The following STIMATE variants were observed in gnomAD, a reference collection of about 807,000 sequenced individuals.
The protein encoded by STIMATE is store-operated calcium entry regulator STIMATE.
In STIMATE, 15 loss-of-function variants were observed where a neutral mutation model predicts 36.7. The ratio of observed to expected loss-of-function variants is 0.41; its 90% CI spans 0.27 to 0.63. The LOEUF is 0.63. Ranked by LOEUF, STIMATE falls within the 20% of genes least tolerant of loss-of-function variation. STIMATE has a pLI of 0.32. For synonymous variants in STIMATE, 163 were observed against 162.3 expected (o/e 1.00, Z -0.03); for missense variants, 305 against 397.3 (o/e 0.77, Z 1.98).
rs371662643 is a variant in STIMATE, at chr3:52,856,666, AG to A, written c.161-1223del. ...ACCATTGCACTCCTGTCTGGGCAAC[AG>A]AGCGAGACTCTACCTCAAAAAAAAG... is the stretch of plus-strand genomic sequence containing the variant. On this transcript the variant is annotated intron_variant, in intron 1 of 7. Coordinates refer to ENST00000355083, the MANE Select transcript of STIMATE (RefSeq NM_198563.5). Among the ~76,000 whole-genome samples, 1,113 of 152,296 alleles carry A rather than the reference AG, an allele frequency of 7.3e-3. 117 individuals carry two copies. In the South Asian group the frequency reaches 0.21, roughly 28 times the overall value.
chr3:52,890,444 T>A (rs543262975), intron 1 of STIMATE, among the ~76,000 whole-genome samples: 1 of 152,366 alleles, frequency 6.6e-6, no homozygotes, highest in East Asian at 1.9e-4. Context: ...CAGGGGGCAG[T>A]TGGCAATGTC....
intron 1 of STIMATE, among the ~76,000 whole-genome samples, chr3:52,881,203 C>T (rs9866243): frequency 0.56 from 81,693 of 146,120 alleles, 23,269 homozygotes; most frequent in South Asian, 0.65. Flanking sequence ...AAACTCTTGT[C>T]TCAAAAAAAA....
chr3:52,885,765 G>A (rs151297297), intron 1 of STIMATE, among the ~76,000 whole-genome samples: 1 of 152,276 alleles, frequency 6.6e-6, no homozygotes, highest in Non-Finnish European at 1.5e-5. Context: ...GAGACTGCTG[G>A]GCTTCGCTTG....
At chr3:52,882,843 G>C (rs537940530) in intron 1 of STIMATE, among the ~76,000 whole-genome samples, 1 of 152,260 alleles carries the variant, frequency 6.6e-6, no homozygotes, top group South Asian at 2.1e-4. Context: ...TGGCAATTAA[G>C]AGTCGGCCAC....
chr3:52,862,782 G>A (rs913806156), intron 1 of STIMATE, among the ~76,000 whole-genome samples: 2 of 152,220 alleles, frequency 1.3e-5, no homozygotes, highest in African/African-American at 4.8e-5. Flanking sequence ...CTTGGCAGAT[G>A]TAATTAAAGA....
rs796307093 is a variant in STIMATE at position 52,859,531 on chromosome 3, A to T, written c.161-4087T>A. Among the ~76,000 whole-genome samples, 131 of 18,852 alleles carry T rather than the reference A, an allele frequency of 6.9e-3. 1 individual carries two copies. Among genetic ancestry groups the T allele is most frequent in the African/African-American group, 0.016 (125 of 7,882 alleles). 12.4% of individuals were successfully genotyped at this position (18,852 alleles called of 152,430 possible). On this transcript the variant is annotated intron_variant, in intron 1 of 7. Coordinates refer to ENST00000355083, the MANE Select transcript of STIMATE (RefSeq NM_198563.5). ...AAAAAAAAAAAAAAAAAAAAAAAAA[A>T]TTTTTTTTTTTTTTTTTTTTTTGCT...
chr3:52,891,179 G>C lies in STIMATE; in HGVS notation c.160+6112C>G, dbSNP rs1477831414. On this transcript the variant is annotated intron_variant, in intron 1 of 7. Transcript: ENST00000355083. ...GCCACAGATACGGAGTAATCAGAAA[G>C]TGAACCTGTGTGGAAAGAGGGGTGG... 2.6e-5 allele frequency among the ~76,000 whole-genome samples: 4 copies of C among 152,194 alleles called. No homozygotes were observed. The East Asian group carries it at 5.8e-4, about 22-fold the overall frequency.
At position 52,874,319 on chromosome 3, in the gene STIMATE, A is replaced by G. The variant is rs1324794582; in HGVS notation, c.161-18875T>C. 2.0e-5 allele frequency among the ~76,000 whole-genome samples: 3 copies of G among 152,144 alleles called. No homozygotes were observed. In the East Asian group the frequency reaches 5.8e-4, roughly 29 times the overall value. On this transcript the variant is annotated intron_variant, in intron 1 of 7. Coordinates refer to ENST00000355083, the MANE Select transcript of STIMATE (RefSeq NM_198563.5). ...ATCTATCTGCATTGAAATGGAAAAAACCCTCATGCTAAATGGGGGGAAAAA... is the reference window on the plus strand; with the variant it reads ...ATCTATCTGCATTGAAATGGAAAAAGCCCTCATGCTAAATGGGGGGAAAAA...
chr3:52,858,352 T>C (rs1434353697), intron 1 of STIMATE, among the ~76,000 whole-genome samples: 2 of 152,198 alleles, frequency 1.3e-5, no homozygotes, highest in Non-Finnish European at 1.5e-5. Flanking sequence ...AAGGTCAACA[T>C]GGGCTGGGTG....
chr3:52,845,744 C>T (rs1559489155), intron 4 of STIMATE, among the ~76,000 whole-genome samples: 1 of 152,162 alleles, frequency 6.6e-6, no homozygotes, highest in East Asian at 1.9e-4. Flanking sequence ...AGACCAGCCC[C>T]TCCAGGGAAT....
intron 1 of STIMATE, among the ~76,000 whole-genome samples, chr3:52,883,159 G>A (rs1473366711): frequency 6.6e-6 from 1 of 152,128 alleles, no homozygotes; most frequent in Non-Finnish European, 1.5e-5. Flanking sequence ...GGATCAAAGC[G>A]CTTTCATCCA....
intron 1 of STIMATE, among the ~76,000 whole-genome samples, chr3:52,871,630 A>G (rs1575341164): frequency 6.6e-6 from 1 of 151,982 alleles, no homozygotes; most frequent in Non-Finnish European, 1.5e-5. Context: ...TCACTCACTC[A>G]CTCACTCATT....
At chr3:52,877,572 T>C (rs1196033411) in intron 1 of STIMATE, among the ~76,000 whole-genome samples, 1 of 152,204 alleles carries the variant, frequency 6.6e-6, no homozygotes, top group Non-Finnish European at 1.5e-5. Flanking sequence ...AAGTCTCCGG[T>C]GAGCCATTCA....
At chr3:52,873,874 A>G (rs1362838307) in intron 1 of STIMATE, among the ~76,000 whole-genome samples, 2 of 152,220 alleles carry the variant, frequency 1.3e-5, no homozygotes, top group Admixed American at 6.5e-5. Flanking sequence ...CCTGCCATGC[A>G]TCACCACTAC....
chr3:52,843,902 C>T (rs116997005), intron 5 of STIMATE, 104 bp from the exon 6 acceptor site: 21 of 1,490,770 alleles, frequency 1.4e-5, no homozygotes, highest in Middle Eastern at 2.2e-4. Context: ...TAGCTTAAGA[C>T]GCTTCCTCCA....
chr3:52,845,090 ACCTC>A, intron 4 of STIMATE, 149 bp from the exon 5 acceptor site: 1 of 617,892 alleles, frequency 1.6e-6, no homozygotes, highest in Non-Finnish European at 2.7e-6. Flanking sequence ...CCAAAGGATT[ACCTC>A]ATCCTTAACA....
intron 1 of STIMATE, among the ~76,000 whole-genome samples, chr3:52,873,479 G>C (rs1416641614): frequency 6.6e-6 from 1 of 152,294 alleles, no homozygotes; most frequent in East Asian, 1.9e-4. Context: ...CTTGGTAAGT[G>C]TGGGGAAGTG....
rs1378209906 is a variant in STIMATE at position 52,880,132 on chromosome 3, CA to C, written c.160+17158del. Among the ~76,000 whole-genome samples the C allele has an allele frequency of 2.6e-5, 4 of 152,320 alleles. No homozygotes were observed. In the East Asian group the frequency reaches 7.7e-4, roughly 29 times the overall value. On this transcript the variant is annotated intron_variant, in intron 1 of 7. Coordinates refer to ENST00000355083, the MANE Select transcript of STIMATE (RefSeq NM_198563.5). ...CCACTCAGAAAGGCCAAGCATAGTTCATGAGATCCTAGATAAAAGGAGGCTT... is the reference window on the plus strand; with the variant it reads ...CCACTCAGAAAGGCCAAGCATAGTTCTGAGATCCTAGATAAAAGGAGGCTT...
At chr3:52,843,907 C>T in intron 5 of STIMATE, 109 bp from the exon 6 acceptor site, 10 of 1,439,236 alleles carry the variant, frequency 6.9e-6, no homozygotes, top group Non-Finnish European at 9.4e-6. Flanking sequence ...TAAGACGCTT[C>T]CTCCAAAGCC....
Sources: gnomAD v4.1 joint callset for allele counts (sites outside exome capture counted in the v4.1 genomes callset) on GRCh38, gnomAD v4.1.1 for gene constraint, MANE v1.5 for transcripts, NCBI Gene and HGNC (gene_info 2026-07-23, HGNC 2026-07-21) for gene names.